Variants in PREX1 observed in about 807,000 individuals in gnomAD.
PREX1 encodes the protein phosphatidylinositol-3,4,5-trisphosphate dependent Rac exchange factor 1.
A neutral mutation model predicts 198.3 loss-of-function variants in PREX1; 41 were observed. The observed-to-expected ratio is 0.21, with a 90% CI of 0.16 to 0.27. The LOEUF (loss-of-function observed/expected upper bound fraction) is 0.27, where lower values mean the gene tolerates loss of function less well. Among genes scored for constraint, PREX1 ranks in the 10% least tolerant of loss-of-function variants. PREX1 has a pLI of 1.00. For missense variants in PREX1, 1,620 were observed against 2,200.7 expected, an observed-to-expected ratio of 0.74 and a Z score of 5.28; for synonymous variants, 843 against 887.2, an observed-to-expected ratio of 0.95 and a Z score of 0.89.
At chr20:48,659,477 C>T (rs1036902194) in intron 16 of PREX1, among the ~76,000 whole-genome samples, 7 of 151,958 alleles carry the variant, frequency 4.6e-5, no homozygotes, top group African/African-American at 1.7e-4. Context: ...CCCTGCAGTA[C>T]TATGGGAGAG....
At chr20:48,637,896 A>G in intron 30 of PREX1, 144 bp from the exon 31 acceptor site, 1 of 677,040 alleles carries the variant, frequency 1.5e-6, no homozygotes, top group Non-Finnish European at 2.5e-6. Flanking sequence ...GCTGTGCTCA[A>G]GGAGGTTTTA....
intron 23 of PREX1, 42 bp from the exon 24 acceptor site, chr20:48,650,248 G>A (rs766286226): frequency 6.4e-7 from 1 of 1,560,202 alleles, no homozygotes; most frequent in Non-Finnish European, 8.8e-7. Context: ...CACAGGGCAG[G>A]GTCTGGAAAT....
chr20:48,673,689 A>AC (rs1416419327), intron 14 of PREX1, among the ~76,000 whole-genome samples: 8 of 140,990 alleles, frequency 5.7e-5, no homozygotes, highest in African/African-American at 1.7e-4. Flanking sequence ...CAGATTGCTA[A>AC]CCCCCCCACC....
chr20:48,641,109 G>C lies in PREX1; in HGVS notation c.3775+1059C>G, dbSNP rs141038430. 5.8e-3 allele frequency among the ~76,000 whole-genome samples: 885 copies of C among 152,234 alleles called. 4 individuals carry two copies. Among genetic ancestry groups the C allele is most frequent in the Middle Eastern group, 0.031 (9 of 294 alleles). ...TAGGTTGGGTGGATGAGTAGGGTGG[G>C]TAGGTGGGTAAATGGGAGGAGAGGT... On this transcript the variant is annotated intron_variant, in intron 29 of 39. Coordinates refer to ENST00000371941, the MANE Select transcript of PREX1 (RefSeq NM_020820.4).
chr20:48,803,820 C>T (rs1217049089), intron 1 of PREX1, among the ~76,000 whole-genome samples: 2 of 152,212 alleles, frequency 1.3e-5, no homozygotes, highest in South Asian at 4.1e-4. Context: ...GGGTCCATGA[C>T]CTCAAGGTCA....
intron 1 of PREX1, among the ~76,000 whole-genome samples, chr20:48,759,912 A>G (rs533491430): frequency 1.3e-5 from 2 of 152,186 alleles, no homozygotes; most frequent in African/African-American, 4.8e-5. Context: ...CGAGCAATCA[A>G]TCAATACGGC....
In PREX1 at chr20:48,642,171, G is replaced by C. The variant is rs1369052366; in HGVS notation, c.3772C>G (p.Gln1258Glu). The change falls in exon 29 of 40, where the codon CAA becomes GAA. Residue 1258 changes from glutamine (Q) to glutamate (E), a missense_variant. Coordinates refer to ENST00000371941, the MANE Select transcript of PREX1 (RefSeq NM_020820.4). ...TKHFPMNHSL[Q>E]EFKQKEECTI... ...CTTGGACTGGCTATCCCCTCACCTT[G>C]TAAGCTGTGGTTCATAGGGAAATGC... The C allele has an allele frequency of 6.2e-7, 1 of 1,614,008 alleles. No individual in the cohort carries two copies. Among genetic ancestry groups the C allele is most frequent in the Admixed American group, 1.7e-5 (1 of 60,030 alleles).
chr20:48,661,162 T>C (rs1166382601), intron 15 of PREX1, among the ~76,000 whole-genome samples: 2 of 151,948 alleles, frequency 1.3e-5, no homozygotes, highest in African/African-American at 4.8e-5. Context: ...GCTCCGCCTG[T>C]AATCCCAGCA....
intron 1 of PREX1, among the ~76,000 whole-genome samples, chr20:48,751,108 G>C (rs1339452892): frequency 6.6e-6 from 1 of 152,202 alleles, no homozygotes; most frequent in African/African-American, 2.4e-5. Flanking sequence ...TCAAAGGAAG[G>C]TTTGGAATGC....
In PREX1 at chr20:48,628,000, G is replaced by A. The variant is rs560447593; in HGVS notation, c.4767-37C>T. 253 of 1,202,876 alleles carry A rather than the reference G, an allele frequency of 2.1e-4. 5 individuals are homozygous for A. In the South Asian group the frequency reaches 2.7e-3, roughly 13 times the overall value. The allele number at this position is 1,202,876 out of a possible 1,614,324, so 74.5% of individuals were successfully genotyped here. On this transcript the variant is annotated intron_variant, in intron 37 of 39. Transcript: ENST00000371941. ...GAGGGAGGACAGCGGGTTGGCGGTG[G>A]GGGGACAGGGGTCGGGGGAGGACAG...
chr20:48,775,801 C>T (rs1159777862), intron 1 of PREX1, among the ~76,000 whole-genome samples: 4 of 152,160 alleles, frequency 2.6e-5, no homozygotes, highest in African/African-American at 4.8e-5. Context: ...CCTTCCACCA[C>T]GATTTTAAGG....
chr20:48,808,068 G>T lies in PREX1; in HGVS notation c.219+19574C>A, dbSNP rs1384343886. Among the ~76,000 whole-genome samples, 5 of 152,240 alleles carry T rather than the reference G, an allele frequency of 3.3e-5. No individual in the cohort carries two copies. In the South Asian group the frequency reaches 1.0e-3, roughly 32 times the overall value. ...TGGCTTTGTCAGTAGGAAAGGGGAG[G>T]GGGGCACTGTTGTCGGAACATTCTG... is the stretch of plus-strand genomic sequence containing the variant. On this transcript the variant is annotated intron_variant, in intron 1 of 39. Transcript: ENST00000371941.
chr20:48,804,501 G>A (rs2090402039), intron 1 of PREX1, among the ~76,000 whole-genome samples: 1 of 152,248 alleles, frequency 6.6e-6, no homozygotes, highest in Non-Finnish European at 1.5e-5. Context: ...AAGGCCCTGA[G>A]GCAGGAGTGT....
intron 3 of PREX1, among the ~76,000 whole-genome samples, chr20:48,739,869 G>C (rs999739359): frequency 2.0e-5 from 3 of 152,146 alleles, no homozygotes; most frequent in African/African-American, 7.2e-5. Flanking sequence ...CTGTAAAATG[G>C]GTACAATAAT....
intron 1 of PREX1, among the ~76,000 whole-genome samples, chr20:48,809,327 G>A (rs111411945): frequency 1.3e-5 from 2 of 152,270 alleles, no homozygotes; most frequent in Non-Finnish European, 2.9e-5. Flanking sequence ...ATCTGGGATC[G>A]AGGCACCAGC....
intron 1 of PREX1, among the ~76,000 whole-genome samples, chr20:48,766,966 A>C (rs1208677155): frequency 6.6e-6 from 1 of 152,224 alleles, no homozygotes; most frequent in Non-Finnish European, 1.5e-5. Context: ...GAATGATTTC[A>C]GATGACTGAT....
At chr20:48,750,573 CT>C (rs200677994) in intron 1 of PREX1, among the ~76,000 whole-genome samples, 2,377 of 152,298 alleles carry the variant, frequency 0.016, 26 homozygotes, top group Non-Finnish European at 0.022. Context: ...GCCTCAGGAC[CT>C]TTGCATATGC....
At chr20:48,753,716 C>T (rs1259776968) in intron 1 of PREX1, among the ~76,000 whole-genome samples, 1 of 152,268 alleles carries the variant, frequency 6.6e-6, no homozygotes, top group East Asian at 1.9e-4. Flanking sequence ...GTTTCTTGAA[C>T]ACACCAGGCC....
chr20:48,750,714 T>C (rs996589534), intron 1 of PREX1, among the ~76,000 whole-genome samples: 2 of 152,188 alleles, frequency 1.3e-5, no homozygotes, highest in African/African-American at 4.8e-5. Flanking sequence ...TCTTCCCATC[T>C]TGCGTTAGGA....
Sources: allele counts gnomAD v4.1 joint callset (sites outside exome capture counted in the v4.1 genomes callset), GRCh38; gene constraint gnomAD v4.1.1; transcripts MANE v1.5; gene names NCBI Gene and HGNC (gene_info 2026-07-23, HGNC 2026-07-21).